F2RL1: variants seen among roughly 807,000 people sequenced by gnomAD.
The protein encoded by F2RL1 is F2R like trypsin receptor 1, also known as proteinase-activated receptor 2.
Under a neutral mutation model 21.7 loss-of-function variants are expected in F2RL1, and 16 were observed. The observed-to-expected ratio is 0.74, with a 90% CI of 0.50 to 1.12. The LOEUF is 1.12. Ranked by LOEUF, F2RL1 falls within the 50% of genes most tolerant of loss-of-function variation. F2RL1 has a pLI of 0.00. For missense variants in F2RL1, 432 were observed against 477.8 expected (o/e 0.90, Z 0.89); for synonymous variants, 181 against 186.7 (o/e 0.97, Z 0.25).
At position 76,833,997 on chromosome 5, in the gene F2RL1, A is replaced by G; in HGVS notation, c.*196A>G. 1 of 571,148 alleles carries G rather than the reference A, an allele frequency of 1.8e-6. No individual in the cohort carries two copies. The highest frequency in any genetic ancestry group is 2.6e-5 in the South Asian group (1 of 37,986). The allele number at this position is 571,148 out of a possible 1,614,324, so 35.4% of individuals were successfully genotyped here. ...CCAAATTAACATCAGTGTCTGTTTC[A>G]GAATCTCTCTACTCAGATGACCCCA... On this transcript the variant is annotated 3_prime_UTR_variant, in exon 2 of 2. Coordinates refer to ENST00000296677, the MANE Select transcript of F2RL1 (RefSeq NM_005242.6).
Position 76,832,989 on chromosome 5 carries a change from T to A in F2RL1, c.382T>A (p.Phe128Ile). ...ALADLLSVIWFPLKIAYHIHG... is the reference protein window; with the variant it reads ...ALADLLSVIWIPLKIAYHIHG... ...GGCTGACCTCCTCTCTGTCATCTGGTTCCCCTTGAAGATTGCCTATCACAT... is the reference window on the plus strand; with the variant it reads ...GGCTGACCTCCTCTCTGTCATCTGGATCCCCTTGAAGATTGCCTATCACAT... Residue 128 changes from phenylalanine to isoleucine, a missense_variant, in exon 2 of 2, where the codon TTC becomes ATC. Coordinates refer to ENST00000296677, the MANE Select transcript of F2RL1 (RefSeq NM_005242.6). 2 of 1,614,238 alleles carry A rather than the reference T, an allele frequency of 1.2e-6. No individual in the cohort carries two copies. Among genetic ancestry groups the A allele is most frequent in the Non-Finnish European group, 1.7e-6 (2 of 1,180,042 alleles).
intron 1 of F2RL1, among the ~76,000 whole-genome samples, chr5:76,828,035 T>C (rs1413718603): frequency 6.6e-6 from 1 of 152,116 alleles, no homozygotes; most frequent in Non-Finnish European, 1.5e-5. Flanking sequence ...AATGGCGTGA[T>C]CTTGGCTCAT....
chr5:76,819,076 G>C lies in F2RL1; in HGVS notation c.-107G>C, dbSNP rs957629977. 1.1e-6 allele frequency: 1 copy of C among 890,694 alleles called. No individual in the cohort carries two copies. Among genetic ancestry groups the C allele is most frequent in the East Asian group, 2.8e-5 (1 of 36,336 alleles). The allele number at this position is 890,694 out of a possible 1,614,324, so 55.2% of individuals were successfully genotyped here. ...AGGCGCGCAGCAGAGGCTCCGATTC[G>C]GGGCAGGTGAGAGGCTGACTTTCTC... On this transcript the variant is annotated 5_prime_UTR_variant, in exon 1 of 2. Coordinates refer to ENST00000296677, the MANE Select transcript of F2RL1 (RefSeq NM_005242.6).
intron 1 of F2RL1, among the ~76,000 whole-genome samples, chr5:76,826,965 C>G (rs1248483387): frequency 1.3e-5 from 2 of 151,796 alleles, no homozygotes; most frequent in Non-Finnish European, 1.5e-5. Context: ...GTCCTCCTGC[C>G]TCAGCCTTCC....
intron 1 of F2RL1, among the ~76,000 whole-genome samples, chr5:76,820,267 A>T (rs985699599): frequency 6.6e-6 from 1 of 152,202 alleles, no homozygotes; most frequent in Non-Finnish European, 1.5e-5. Flanking sequence ...CGATCGCGCC[A>T]CTGTGATCCT....
chr5:76,819,297 C>T, intron 1 of F2RL1, 33 bp downstream of exon 1: 4 of 1,553,642 alleles, frequency 2.6e-6, no homozygotes, highest in Non-Finnish European at 1.7e-6. Flanking sequence ...GCTCTTATCT[C>T]TGAGGAGCTG....
intron 1 of F2RL1, among the ~76,000 whole-genome samples, chr5:76,832,206 C>T (rs1750362271): frequency 6.6e-6 from 1 of 152,108 alleles, no homozygotes; most frequent in South Asian, 2.1e-4. Flanking sequence ...TAAAACCAAA[C>T]TAAACCAGAC....
chr5:76,833,810 G>C lies in F2RL1; in HGVS notation c.*9G>C. On this transcript the variant is annotated 3_prime_UTR_variant, in exon 2 of 2. Coordinates refer to ENST00000296677, the MANE Select transcript of F2RL1 (RefSeq NM_005242.6). The stretch of plus-strand genomic sequence containing the variant: ...TTAAGACCTCCTATTGAGTTTTCCA[G>C]GTCCTCAGATGGGAATTGCACAGTA... 1 of 1,610,106 alleles carries C rather than the reference G, an allele frequency of 6.2e-7. No homozygotes were observed.
intron 1 of F2RL1, among the ~76,000 whole-genome samples, chr5:76,820,308 G>T (rs1261368356): frequency 2.6e-5 from 4 of 152,126 alleles, no homozygotes; most frequent in Admixed American, 1.3e-4. Context: ...GGGCAGCCTG[G>T]GTAGCAAAGG....
intron 1 of F2RL1, among the ~76,000 whole-genome samples, chr5:76,820,834 G>A (rs1052507738): frequency 4.6e-5 from 7 of 152,084 alleles, no homozygotes; most frequent in Non-Finnish European, 7.4e-5. Flanking sequence ...ACTTAATATT[G>A]CACCTTGTTC....
At chr5:76,823,342 T>G (rs1750177225) in intron 1 of F2RL1, among the ~76,000 whole-genome samples, 1 of 151,262 alleles carries the variant, frequency 6.6e-6, no homozygotes, top group Admixed American at 6.6e-5. Flanking sequence ...CAGCACAACT[T>G]CTCGGGTTTT....
chr5:76,827,382 C>T (rs1462712093), intron 1 of F2RL1, among the ~76,000 whole-genome samples: 2 of 150,084 alleles, frequency 1.3e-5, no homozygotes, highest in African/African-American at 2.4e-5. Flanking sequence ...GCCTGTAGTC[C>T]CAGCTACTGG....
chr5:76,828,652 A>AT (rs34494664), intron 1 of F2RL1, among the ~76,000 whole-genome samples: 65 of 146,688 alleles, frequency 4.4e-4, no homozygotes, highest in Admixed American at 1.2e-3. Flanking sequence ...TGCCTGGCTA[A>AT]TTTTTTTTTT....
Position 76,833,745 on chromosome 5 carries a change from TC to T in F2RL1, c.1140del (p.Arg381GlyfsTer38). On this transcript the variant is annotated frameshift_variant, in exon 2 of 2. Transcript: ENST00000296677. LOFTEE classifies it high-confidence loss of function. ...AGTATCCCTCACCTCAAAGAAACAC[TC>T]CAGGAAATCCAGCTCTTACTCTTCA... ...MQVSLTSKKH[S>X]RKSSSYSSSS... 6.2e-7 allele frequency: 1 copy of T among 1,613,972 alleles called. No homozygotes were observed.
chr5:76,822,859 CAAGTA>C (rs1480879177), intron 1 of F2RL1, among the ~76,000 whole-genome samples: 2 of 152,186 alleles, frequency 1.3e-5, no homozygotes, highest in African/African-American at 4.8e-5. Context: ...AGAACTAATG[CAAGTA>C]AAGTGCTTGT....
chr5:76,828,627 A>G (rs951404435), intron 1 of F2RL1, among the ~76,000 whole-genome samples: 1 of 150,798 alleles, frequency 6.6e-6, no homozygotes, highest in Non-Finnish European at 1.5e-5. Context: ...CCAGGACTAC[A>G]GGTGTGCGCC....
intron 1 of F2RL1, among the ~76,000 whole-genome samples, chr5:76,827,544 G>A (rs1750266856): frequency 6.6e-6 from 1 of 151,190 alleles, no homozygotes; most frequent in Non-Finnish European, 1.5e-5. Context: ...TTTGTGTACA[G>A]GTTTTTGTGT....
intron 1 of F2RL1, among the ~76,000 whole-genome samples, chr5:76,832,298 T>A (rs1750363357): frequency 6.6e-6 from 1 of 152,152 alleles, no homozygotes; most frequent in Non-Finnish European, 1.5e-5. Flanking sequence ...ACATTTCTGT[T>A]TTCATCTAAA....
At chr5:76,832,197 A>G (rs1409730140) in intron 1 of F2RL1, among the ~76,000 whole-genome samples, 1 of 152,182 alleles carries the variant, frequency 6.6e-6, no homozygotes, top group Non-Finnish European at 1.5e-5. Flanking sequence ...AAAAACCCAT[A>G]AAACCAAACT....
Sources: gnomAD v4.1 joint callset for allele counts (sites outside exome capture counted in the v4.1 genomes callset) on GRCh38, gnomAD v4.1.1 for gene constraint, MANE v1.5 for transcripts, NCBI Gene and HGNC (gene_info 2026-07-23, HGNC 2026-07-21) for gene names.